Variants in SLC47A1 observed in about 807,000 individuals in gnomAD.
SLC47A1 encodes multidrug and toxin extrusion protein 1.
A neutral mutation model predicts 65.8 loss-of-function variants in SLC47A1; 58 were observed. The ratio of observed to expected loss-of-function variants is 0.88; its 90% CI spans 0.71 to 1.10. The LOEUF (loss-of-function observed/expected upper bound fraction) is 1.10, where lower values mean the gene tolerates loss of function less well. SLC47A1 is among the 50% of genes least tolerant of loss of function. SLC47A1 has a pLI of 0.00. For missense variants in SLC47A1, 706 were observed against 719.2 expected, an observed-to-expected ratio of 0.98 and a Z score of 0.21; for synonymous variants, 285 against 295.0, an observed-to-expected ratio of 0.97 and a Z score of 0.35.
At chr17:19,539,204 C>T (rs1916072804) in intron 1 of SLC47A1, among the ~76,000 whole-genome samples, 1 of 152,156 alleles carries the variant, frequency 6.6e-6, no homozygotes, top group Non-Finnish European at 1.5e-5. Flanking sequence ...AGCCACCGTG[C>T]CCGGCCCAGT....
intron 13 of SLC47A1, 115 bp downstream of exon 13, chr17:19,566,974 C>T (rs544982644): frequency 8.2e-6 from 13 of 1,586,392 alleles, no homozygotes; most frequent in South Asian, 2.2e-5. Flanking sequence ...TACCACATTT[C>T]GTTTAGAAGG....
At chr17:19,549,193 C>T (rs1217193523) in intron 4 of SLC47A1, among the ~76,000 whole-genome samples, 6 of 151,948 alleles carry the variant, frequency 3.9e-5, no homozygotes, top group Admixed American at 3.3e-4. Flanking sequence ...TTCACATTTG[C>T]TCCGCAGTTT....
At chr17:19,570,903 A>G (rs1033598404) in intron 14 of SLC47A1, 4 of 152,252 alleles carry the variant, frequency 2.6e-5, no homozygotes, top group Non-Finnish European at 4.4e-5. Flanking sequence ...TTTTCCCGCC[A>G]TCCATTCCCA....
rs371403974 is a variant in SLC47A1, at chr17:19,555,960, C to T, written c.854-35C>T. 3 of 1,614,036 alleles carry T rather than the reference C, an allele frequency of 1.9e-6. No homozygotes were observed. In the African/African-American group the frequency reaches 4.0e-5, roughly 22 times the overall value. On this transcript the variant is annotated intron_variant, in intron 9 of 16. Coordinates refer to ENST00000270570, the MANE Select transcript of SLC47A1 (RefSeq NM_018242.3). Reference sequence around the variant, plus strand: ...ACTGGTGGGAACCTGGGGGCCCTGTCTGGGTGCAAGGCGACAGCTGTCTTT... The same window carrying T: ...ACTGGTGGGAACCTGGGGGCCCTGTTTGGGTGCAAGGCGACAGCTGTCTTT...
At chr17:19,542,840 G>C (rs571080475) in intron 2 of SLC47A1, among the ~76,000 whole-genome samples, 31 of 150,448 alleles carry the variant, frequency 2.1e-4, no homozygotes, top group African/African-American at 5.6e-4. Context: ...TACCCAGGCT[G>C]GAGTGCAATG....
intron 14 of SLC47A1, 51 bp downstream of exon 14, chr17:19,567,279 A>G: frequency 6.2e-7 from 1 of 1,611,822 alleles, no homozygotes; most frequent in Non-Finnish European, 8.5e-7. Flanking sequence ...AGCCCAGGAA[A>G]TGACCGTCGG....
chr17:19,575,022 G>A (rs1467727639), intron 16 of SLC47A1, among the ~76,000 whole-genome samples: 1 of 152,060 alleles, frequency 6.6e-6, no homozygotes, highest in Non-Finnish European at 1.5e-5. Flanking sequence ...TTTGTTAAGT[G>A]TGAGCTGGTA....
chr17:19,576,622 C>T (rs983266369), intron 16 of SLC47A1, among the ~76,000 whole-genome samples: 1 of 152,096 alleles, frequency 6.6e-6, no homozygotes, highest in African/African-American at 2.4e-5. Context: ...GTTGGAATTA[C>T]GGGCGTGAGC....
At chr17:19,566,899 C>T in intron 13 of SLC47A1, 40 bp downstream of exon 13, 1 of 1,605,880 alleles carries the variant, frequency 6.2e-7, no homozygotes, top group South Asian at 1.1e-5. Flanking sequence ...CTGTTATGAT[C>T]TTCTGATGGT....
chr17:19,537,010 CAAGGGAGGGA>C (rs1916005020), intron 1 of SLC47A1, among the ~76,000 whole-genome samples: 1 of 152,214 alleles, frequency 6.6e-6, no homozygotes, highest in Non-Finnish European at 1.5e-5. Context: ...ACTGGATTTG[CAAGGGAGGGA>C]ACGTGCAGAT....
intron 8 of SLC47A1, 27 bp from the exon 9 acceptor site, chr17:19,555,769 C>T: frequency 6.2e-7 from 1 of 1,613,408 alleles, no homozygotes; most frequent in Non-Finnish European, 8.5e-7. Context: ...GCCAGATCTC[C>T]TGGAAATGTG....
In SLC47A1 at chr17:19,552,836, T is replaced by C. The variant is rs117876492; in HGVS notation, c.543+1368T>C. ...GGTGGGAGGGGATGCAGTGAGATGA[T>C]GGCATCGAGAGGCGGGCTGGCCCAG... On this transcript the variant is annotated intron_variant, in intron 6 of 16. Transcript: ENST00000270570. Among the ~76,000 whole-genome samples the C allele has an allele frequency of 8.8e-3, 1,333 of 152,238 alleles. 56 individuals carry two copies. Among genetic ancestry groups the C allele is most frequent in the East Asian group, 0.067 (344 of 5,152 alleles).
At chr17:19,566,741 C>G in intron 12 of SLC47A1, 49 bp from the exon 13 acceptor site, 5 of 1,578,924 alleles carry the variant, frequency 3.2e-6, no homozygotes, top group Non-Finnish European at 4.4e-6. Context: ...CTATATACTT[C>G]TTTCTCCACT....
At chr17:19,560,588 T>C (rs1666511589) in intron 12 of SLC47A1, 95 bp downstream of exon 12, 2 of 1,249,288 alleles carry the variant, frequency 1.6e-6, no homozygotes, top group South Asian at 1.2e-5. Flanking sequence ...TTCAGAAACA[T>C]TGCTGTTTGA....
intron 6 of SLC47A1, among the ~76,000 whole-genome samples, chr17:19,553,496 T>C (rs1375081635): frequency 6.6e-6 from 1 of 151,760 alleles, no homozygotes; most frequent in African/African-American, 2.4e-5. Context: ...CTATAGCTTC[T>C]GCCTCCTCCC....
intron 12 of SLC47A1, among the ~76,000 whole-genome samples, chr17:19,561,125 G>A (rs2084306729): frequency 1.3e-5 from 2 of 151,618 alleles, no homozygotes; most frequent in African/African-American, 4.8e-5. Context: ...GGTCATGGTG[G>A]CACACGCCTG....
At chr17:19,576,185 G>T (rs2084438066) in intron 16 of SLC47A1, among the ~76,000 whole-genome samples, 1 of 150,898 alleles carries the variant, frequency 6.6e-6, no homozygotes, top group South Asian at 2.2e-4. Flanking sequence ...CTCTTTCAAG[G>T]CCTGTTGATC....
chr17:19,539,001 G>A (rs1916067277), intron 1 of SLC47A1, among the ~76,000 whole-genome samples: 1 of 151,928 alleles, frequency 6.6e-6, no homozygotes, highest in Non-Finnish European at 1.5e-5. Context: ...GTGGTGAGCT[G>A]AGCTCAAGTG....
At chr17:19,542,337 A>C in intron 1 of SLC47A1, 56 bp from the exon 2 acceptor site, 9 of 1,398,118 alleles carry the variant, frequency 6.4e-6, no homozygotes, top group Non-Finnish European at 8.7e-6. Context: ...TTGGGGCCCC[A>C]GGCTTCCCTG....
Sources: allele counts gnomAD v4.1 joint callset (sites outside exome capture counted in the v4.1 genomes callset), GRCh38; gene constraint gnomAD v4.1.1; transcripts MANE v1.5; gene names NCBI Gene and HGNC (gene_info 2026-07-23, HGNC 2026-07-21).